Variants in RPS19 observed in about 807,000 individuals in gnomAD.
The protein encoded by RPS19 is ribosomal protein S19.
RPS19 carries 1 observed loss-of-function variant against 20.3 expected under a neutral mutation model. That is an observed-to-expected ratio of 0.05 (90% CI 0.02 to 0.23). The LOEUF (loss-of-function observed/expected upper bound fraction) is 0.23. Among genes scored for constraint, RPS19 ranks in the 10% least tolerant of loss-of-function variants. RPS19 has a pLI of 1.00. For synonymous variants in RPS19, 87 were observed against 74.8 expected, an observed-to-expected ratio of 1.16 and a Z score of -0.84; for missense variants, 111 against 192.7, an observed-to-expected ratio of 0.58 and a Z score of 2.51.
At position 41,871,701 on chromosome 19, in the gene RPS19, C is replaced by T. The variant is rs2074151121; in HGVS notation, c.*324C>T. 1.1e-5 allele frequency: 4 copies of T among 377,582 alleles called. No homozygotes were observed. The highest frequency in any genetic ancestry group is 6.0e-5 in the East Asian group (1 of 16,610). 23.4% of individuals were successfully genotyped at this position (377,582 alleles called of 1,614,324 possible). A position where few individuals can be genotyped will look rare whatever the true frequency, so the allele number is the denominator to read the frequency against. On this transcript the variant is annotated 3_prime_UTR_variant, in exon 6 of 6. Coordinates refer to ENST00000598742, the MANE Select transcript of RPS19 (RefSeq NM_001022.4). ...TTTACCCGGCAGCCAGTCGGGCCTTCCCAGGTCAAACAGTTCCCATCTGGG... is the reference window on the plus strand; with the variant it reads ...TTTACCCGGCAGCCAGTCGGGCCTTTCCAGGTCAAACAGTTCCCATCTGGG...
chr19:41,865,579 T>C lies in RPS19; in HGVS notation c.173-3452T>C, dbSNP rs1600615728. On this transcript the variant is annotated intron_variant, in intron 3 of 5. Transcript: ENST00000598742. ...TAGTCCCAACCCAACAAGACTGAGG[T>C]TGAGTGTCCCATTTCTGGTGTACAG... Among the ~76,000 whole-genome samples the C allele has an allele frequency of 2.0e-5, 3 of 152,034 alleles. No individual in the cohort carries two copies. The South Asian group carries it at 6.2e-4, about 31-fold the overall frequency.
At chr19:41,870,858 T>C (rs1555841832) in intron 5 of RPS19, among the ~76,000 whole-genome samples, 1 of 119,466 alleles carries the variant, frequency 8.4e-6, no homozygotes, top group African/African-American at 3.7e-5. Flanking sequence ...CCTTTTTTTT[T>C]TTTTTTTTTT....
At chr19:41,861,654 T>G (rs938478718) in intron 3 of RPS19, 1 of 266,898 alleles carries the variant, frequency 3.7e-6, no homozygotes, top group Non-Finnish European at 7.4e-6. Context: ...TGAATGAATT[T>G]AAAGCAGAGT....
chr19:41,871,210 A>C, intron 5 of RPS19, 141 bp from the exon 6 acceptor site: 1 of 786,178 alleles, frequency 1.3e-6, no homozygotes, highest in Non-Finnish European at 2.3e-6. Context: ...GGGAATACCC[A>C]CAGTGAGAAT....
chr19:41,860,618 C>T (rs1271007903), intron 1 of RPS19, 157 bp from the exon 2 acceptor site: 13 of 753,672 alleles, frequency 1.7e-5, no homozygotes, highest in South Asian at 1.5e-4. Flanking sequence ...TCCTTCAGAC[C>T]CGCAGGAGCC....
At chr19:41,862,712 A>C (rs1362129157) in intron 3 of RPS19, among the ~76,000 whole-genome samples, 2 of 150,932 alleles carry the variant, frequency 1.3e-5, no homozygotes, top group African/African-American at 2.4e-5. Context: ...ACCTAGTTGC[A>C]TCTGCTGGTC....
At chr19:41,867,048 T>G (rs532933380) in intron 3 of RPS19, among the ~76,000 whole-genome samples, 3 of 151,300 alleles carry the variant, frequency 2.0e-5, no homozygotes, top group African/African-American at 7.3e-5. Context: ...GCCAGCACAG[T>G]GGCACACACC....
intron 5 of RPS19, among the ~76,000 whole-genome samples, chr19:41,870,374 G>A (rs533153658): frequency 3.9e-5 from 6 of 152,274 alleles, no homozygotes; most frequent in South Asian, 2.1e-4. Context: ...GTCCTCATGC[G>A]TACTGAGCAT....
Position 41,860,280 on chromosome 19 carries a change from A to T in RPS19, c.-10A>T, listed in dbSNP as rs564634801. 1 of 153,114 alleles carries T rather than the reference A, an allele frequency of 6.5e-6. No individual in the cohort carries two copies. The highest frequency in any genetic ancestry group is 1.5e-5 in the Non-Finnish European group (1 of 68,388). The allele number at this position is 153,114 out of a possible 1,614,324, so 9.5% of individuals were successfully genotyped here. A position where few individuals can be genotyped will look rare whatever the true frequency, so the allele number is the denominator to read the frequency against. The stretch of plus-strand genomic sequence containing the variant: ...CCCTTTCCCCTGGCTGGCAGCGCGG[A>T]GGCCGCACGGTAAGCGGGGGCTCCG... On this transcript the variant is annotated 5_prime_UTR_variant, in exon 1 of 6. Transcript: ENST00000598742.
chr19:41,861,243 G>T, intron 3 of RPS19, 31 bp downstream of exon 3: 1 of 1,525,992 alleles, frequency 6.6e-7, no homozygotes, highest in Non-Finnish European at 9.1e-7. Context: ...GCTGGAGAGT[G>T]GGGAGCTGGG....
chr19:41,868,173 C>G (rs1555841096), intron 3 of RPS19, among the ~76,000 whole-genome samples: 1 of 152,220 alleles, frequency 6.6e-6, no homozygotes. Context: ...GCTCTGAGCT[C>G]CAGAGCTAGG....
At position 41,872,324 on chromosome 19, in the gene RPS19, T is replaced by TA. The variant is rs1555842198; in HGVS notation, c.*948dup. Reference sequence around the variant, plus strand: ...GGGAAGACTAAACTGGTTTGGCCAATATCTCCCAGGATTCCCCTGTCCAAA... The same window carrying TA: ...GGGAAGACTAAACTGGTTTGGCCAATAATCTCCCAGGATTCCCCTGTCCAAA... On this transcript the variant is annotated 3_prime_UTR_variant, in exon 6 of 6. Transcript: ENST00000598742. 1 of 152,250 alleles carries TA rather than the reference T, an allele frequency of 6.6e-6. No individual in the cohort carries two copies. Among genetic ancestry groups the TA allele is most frequent in the African/African-American group, 2.4e-5 (1 of 41,484 alleles). The allele number at this position is 152,250 out of a possible 1,614,324, so 9.4% of individuals were successfully genotyped here. A position where few individuals can be genotyped will look rare whatever the true frequency, so the allele number is the denominator to read the frequency against.
chr19:41,870,849 C>CTTTTTTTTTTTTTTTTTTTTTT (rs35987051), intron 5 of RPS19, among the ~76,000 whole-genome samples: 2 of 43,964 alleles, frequency 4.5e-5, no homozygotes, highest in African/African-American at 9.2e-5. Context: ...CACTCCCTTC[C>CTTTTTTTTTTTTTTTTTTTTTT]TTTTTTTTTT....
At position 41,872,267 on chromosome 19, in the gene RPS19, G is replaced by A. The variant is rs547432134; in HGVS notation, c.*890G>A. ...AGGGGCAAGCCAGGAAAGAAACTTA[G>A]GGCCCGCTGTGACCAGATGTCCCTC... On this transcript the variant is annotated 3_prime_UTR_variant, in exon 6 of 6. Transcript: ENST00000598742. 5 of 152,406 alleles carry A rather than the reference G, an allele frequency of 3.3e-5. No homozygotes were observed. The highest frequency in any genetic ancestry group is 6.5e-5 in the Admixed American group (1 of 15,310). The allele number at this position is 152,406 out of a possible 1,614,324, so 9.4% of individuals were successfully genotyped here.
chr19:41,869,465 A>G (rs534977542), intron 4 of RPS19, among the ~76,000 whole-genome samples: 6 of 152,286 alleles, frequency 3.9e-5, no homozygotes, highest in East Asian at 3.9e-4. Flanking sequence ...ACTTTTCCCA[A>G]TTGATTTTTC....
At position 41,866,957 on chromosome 19, in the gene RPS19, C is replaced by T. The variant is rs1431616559; in HGVS notation, c.173-2074C>T. On this transcript the variant is annotated intron_variant, in intron 3 of 5. Coordinates refer to ENST00000598742, the MANE Select transcript of RPS19 (RefSeq NM_001022.4). ...GAGTGAACCCGGAAGGCAGAGCTTG[C>T]AGTGAACCGAGATTGCGCCACTGCA... 4.0e-5 allele frequency among the ~76,000 whole-genome samples: 6 copies of T among 151,764 alleles called. No homozygotes were observed. The East Asian group carries it at 1.2e-3, about 29-fold the overall frequency.
At chr19:41,869,407 C>T (rs2074122765) in intron 4 of RPS19, among the ~76,000 whole-genome samples, 193 bp downstream of exon 4, 1 of 152,204 alleles carries the variant, frequency 6.6e-6, no homozygotes, top group Non-Finnish European at 1.5e-5. Context: ...AGCCCAGGCT[C>T]CAGGAGGGTA....
At chr19:41,864,101 A>G (rs2123268444) in intron 3 of RPS19, 1 of 152,350 alleles carries the variant, frequency 6.6e-6, no homozygotes, top group East Asian at 1.9e-4. Flanking sequence ...TCGGCCTCCC[A>G]AAGTGCTGGG....
intron 2 of RPS19, 80 bp from the exon 3 acceptor site, chr19:41,861,032 T>G (rs2074025119): frequency 8.6e-7 from 1 of 1,161,666 alleles, no homozygotes; most frequent in African/African-American, 1.5e-5. Context: ...AGCATAGTTG[T>G]GTTGAGGGGA....
Sources: allele counts gnomAD v4.1 joint callset (sites outside exome capture counted in the v4.1 genomes callset), GRCh38; gene constraint gnomAD v4.1.1; transcripts MANE v1.5; gene names NCBI Gene and HGNC (gene_info 2026-07-23, HGNC 2026-07-21).